The following SYCP3 variants were observed in gnomAD, a reference collection of about 807,000 sequenced individuals.
SYCP3 encodes synaptonemal complex protein 3.
In SYCP3, 29 loss-of-function variants were observed where a neutral mutation model predicts 38.5. The observed-to-expected ratio is 0.75, with a 90% confidence interval of 0.56 to 1.03. The LOEUF (loss-of-function observed/expected upper bound fraction) is 1.03, where lower values mean the gene tolerates loss of function less well. Among genes scored for constraint, SYCP3 ranks in the 50% least tolerant of loss-of-function variants. SYCP3 has a pLI of 0.00. For synonymous variants in SYCP3, 79 were observed against 80.3 expected, an observed-to-expected ratio of 0.98 and a Z score of 0.08; for missense variants, 242 against 270.7, an observed-to-expected ratio of 0.89 and a Z score of 0.74.
In SYCP3 at chr12:101,728,922, A is replaced by T; in HGVS notation, c.*5T>A. On this transcript the variant is annotated 3_prime_UTR_variant, in exon 9 of 9. Coordinates refer to ENST00000392924, the MANE Select transcript of SYCP3 (RefSeq NM_001177949.2). ...TTAGGTTCAAGTTCTTTCTTCAAAG[A>T]GTCATCAGAATAACATGGATTGAAG... The T allele has an allele frequency of 6.2e-7, 1 of 1,613,512 alleles. No homozygotes were observed. The highest frequency in any genetic ancestry group is 8.5e-7 in the Non-Finnish European group (1 of 1,179,676).
rs34377603 is a variant in SYCP3, at chr12:101,736,708, ATGTGTGTGTG to A, written c.235+319_235+328del. 1.0e-3 allele frequency among the ~76,000 whole-genome samples: 150 copies of A among 149,122 alleles called. 5 individuals are homozygous for A. The highest frequency in any genetic ancestry group is 8.2e-3 in the Admixed American group (122 of 14,902). The stretch of plus-strand genomic sequence containing the variant: ...TATACAAATATATGTATGTATGTAT[ATGTGTGTGTG>A]TGTGTGTGTGTGTGTGTGTGTGTAT... On this transcript the variant is annotated intron_variant, in intron 4 of 8. Coordinates refer to ENST00000392924, the MANE Select transcript of SYCP3 (RefSeq NM_001177949.2).
Position 101,728,860 on chromosome 12 carries a change from A to G in SYCP3, c.*67T>C, listed in dbSNP as rs376707625. 20 of 1,605,644 alleles carry G rather than the reference A, an allele frequency of 1.2e-5. No individual in the cohort carries two copies. The African/African-American group carries it at 2.4e-4, about 19-fold the overall frequency. On this transcript the variant is annotated 3_prime_UTR_variant, in exon 9 of 9. Coordinates refer to ENST00000392924, the MANE Select transcript of SYCP3 (RefSeq NM_001177949.2). ...TTAAACTATTCTAAAGACTTACAAT[A>G]TGCTTCTTAGCTAACGTTATAATTG...
rs34377603 is a variant in SYCP3 at position 101,736,708 on chromosome 12, A to ATG, written c.235+327_235+328dup. On this transcript the variant is annotated intron_variant, in intron 4 of 8. Coordinates refer to ENST00000392924, the MANE Select transcript of SYCP3 (RefSeq NM_001177949.2). ...TATACAAATATATGTATGTATGTAT[A>ATG]TGTGTGTGTGTGTGTGTGTGTGTGT... Among the ~76,000 whole-genome samples, 1,220 of 149,122 alleles carry ATG rather than the reference A, an allele frequency of 8.2e-3. 12 individuals carry two copies. Among genetic ancestry groups the ATG allele is most frequent in the East Asian group, 0.034 (172 of 5,090 alleles).
At chr12:101,738,284 C>T (rs765035065) in intron 1 of SYCP3, among the ~76,000 whole-genome samples, 39 of 149,636 alleles carry the variant, frequency 2.6e-4, no homozygotes, top group Non-Finnish European at 4.4e-4. Flanking sequence ...CAAAATTAAC[C>T]GGGCGTGGTG....
In SYCP3 at chr12:101,737,318, A is replaced by G; in HGVS notation, c.134-20T>C. The G allele has an allele frequency of 6.3e-7, 1 of 1,575,720 alleles. No homozygotes were observed. The highest frequency in any genetic ancestry group is 8.6e-7 in the Non-Finnish European group (1 of 1,165,004). On this transcript the variant is annotated intron_variant, in intron 2 of 8. Transcript: ENST00000392924. ...TCTTCCCTGTATTGACAATTAAAAA[A>G]AAAAAAAAAAAGCTTTTGAAACTGA...
In SYCP3 at chr12:101,733,580, T is replaced by C. The variant is rs752739542; in HGVS notation, c.448A>G (p.Ile150Val). ...AACCTAATCATGATACCAACAAGTA[T>C]TTTTTCTTCTTGTTCCTCAGCTTTC... The part of the protein sequence containing the change: ...MQKAEEQEEK[I>V]LNMFRQQQKI... The change falls in exon 6 of 9, where the codon ATA becomes GTA. Residue 150 changes from isoleucine to valine, a missense_variant. Transcript: ENST00000392924. The C allele has an allele frequency of 6.2e-6, 10 of 1,611,526 alleles. No individual in the cohort carries two copies. The East Asian group carries it at 2.0e-4, about 32-fold the overall frequency.
chr12:101,730,540 C>A, intron 7 of SYCP3: 1 of 384,126 alleles, frequency 2.6e-6, no homozygotes, highest in South Asian at 1.9e-5. Flanking sequence ...GTCGCCCAGG[C>A]TGGAGTACAG....
At chr12:101,733,506 CAATA>C (rs1327515725) in intron 6 of SYCP3, 65 bp downstream of exon 6, 4 of 1,395,004 alleles carry the variant, frequency 2.9e-6, no homozygotes, top group Non-Finnish European at 4.0e-6. Context: ...CCACTGGTCA[CAATA>C]AAAGGCTAGG....
At position 101,734,997 on chromosome 12, in the gene SYCP3, A is replaced by G. The variant is rs936079203; in HGVS notation, c.283T>C (p.Tyr95His). The G allele has an allele frequency of 3.1e-6, 5 of 1,613,530 alleles. No homozygotes were observed. The highest frequency in any genetic ancestry group is 4.2e-6 in the Non-Finnish European group (5 of 1,179,670). ...LLAKRKRLEMYTKASLKTSNQ... is the reference protein window; with the variant it reads ...LLAKRKRLEMHTKASLKTSNQ... ...CTAGTTTTGAGAGAAGCCTTGGTATACATTTCTAGTCTCTTTCTCTTGGCA... is the reference window on the plus strand; with the variant it reads ...CTAGTTTTGAGAGAAGCCTTGGTATGCATTTCTAGTCTCTTTCTCTTGGCA... The change falls in exon 5 of 9, where the codon TAT becomes CAT. Residue 95 changes from tyrosine to histidine, a missense_variant. Tyr to His is a moderately conservative substitution (Grantham distance 83). Coordinates refer to ENST00000392924, the MANE Select transcript of SYCP3 (RefSeq NM_001177949.2).
At position 101,729,212 on chromosome 12, in the gene SYCP3, C is replaced by A; in HGVS notation, c.554G>T (p.Ser185Ile). 1 of 1,612,596 alleles carries A rather than the reference C, an allele frequency of 6.2e-7. No homozygotes were observed. Among genetic ancestry groups the A allele is most frequent in the Non-Finnish European group, 8.5e-7 (1 of 1,179,314 alleles). The change falls in exon 8 of 9, where the codon AGT (serine) becomes ATT (isoleucine). Residue 185 changes from serine (S) to isoleucine (I), a missense_variant and splice_region_variant. Transcript: ENST00000392924. Reference sequence around the variant, plus strand: ...ATGATTCTTCTCCAACTCTTCCATACTCTAAAAACACAAAAGACAAGTTAA... The same window carrying A: ...ATGATTCTTCTCCAACTCTTCCATAATCTAAAAACACAAAAGACAAGTTAA... ...IKQLYEQFIKSMEELEKNHDN... is the reference protein window; with the variant it reads ...IKQLYEQFIKIMEELEKNHDN...
chr12:101,729,000 A>C lies in SYCP3; in HGVS notation c.658-20T>G. Reference sequence around the variant, plus strand: ...CTGCTGCTGTTTCATGGAAGGAGATATTAAACATTTGTTTAATTTTTATTT... The same window carrying C: ...CTGCTGCTGTTTCATGGAAGGAGATCTTAAACATTTGTTTAATTTTTATTT... On this transcript the variant is annotated intron_variant, in intron 8 of 8. Transcript: ENST00000392924. 6.2e-7 allele frequency: 1 copy of C among 1,613,506 alleles called. No individual in the cohort carries two copies. Among genetic ancestry groups the C allele is most frequent in the Non-Finnish European group, 8.5e-7 (1 of 1,179,664 alleles).
intron 7 of SYCP3, 81 bp downstream of exon 7, chr12:101,731,486 TA>T: frequency 1.0e-6 from 1 of 981,886 alleles, no homozygotes. Context: ...TTTTTTCCCA[TA>T]AACTTAGAAA....
intron 4 of SYCP3, among the ~76,000 whole-genome samples, chr12:101,735,775 A>G (rs1382726139): frequency 2.0e-5 from 3 of 150,168 alleles, no homozygotes; most frequent in Non-Finnish European, 4.4e-5. Flanking sequence ...GAAAATATGT[A>G]AAAGTACTCT....
In SYCP3 at chr12:101,733,658, C is replaced by A. The variant is rs2137060198; in HGVS notation, c.370G>T (p.Glu124Ter). The A allele has an allele frequency of 6.2e-7, 1 of 1,610,864 alleles. No individual in the cohort carries two copies. Among genetic ancestry groups the A allele is most frequent in the Non-Finnish European group, 8.5e-7 (1 of 1,179,882 alleles). The change falls in exon 6 of 9, where the codon GAA becomes TAA. Residue 124 changes from glutamate to a stop codon, truncating the protein, a stop_gained. Transcript: ENST00000392924. LOFTEE classifies it high-confidence loss of function. ...AAAGTCAGAAACTGCTGAGAATATT[C>A]TTGGTTAAGCTTCTGCCTGTAAAAC... ...QQDQRQKLNQ[E>*]YSQQFLTLFQ...
intron 2 of SYCP3, 107 bp from the exon 3 acceptor site, chr12:101,737,405 C>A: frequency 1.9e-6 from 2 of 1,064,042 alleles, no homozygotes; most frequent in African/African-American, 1.6e-5. Context: ...GGCTTTTTGC[C>A]AACATACAGT....
Position 101,735,871 on chromosome 12 carries a change from A to ATATATATATTTTTTTTTTTT in SYCP3, c.236-828_236-827insAAAAAAAAAAAATATATATA. On this transcript the variant is annotated intron_variant, in intron 4 of 8. Transcript: ENST00000392924. ...CAATTTTATATATATATATATATAT[A>ATATATATATTTTTTTTTTTT]TTTTTTTTTTTTTAAAGACACGGGG... 4.0e-3 allele frequency among the ~76,000 whole-genome samples: 297 copies of ATATATATATTTTTTTTTTTT among 74,574 alleles called. 5 individuals are homozygous for ATATATATATTTTTTTTTTTT. The highest frequency in any genetic ancestry group is 0.018 in the African/African-American group (282 of 15,768). The allele number at this position is 74,574 out of a possible 152,430, so 48.9% of individuals were successfully genotyped here.
intron 4 of SYCP3, among the ~76,000 whole-genome samples, chr12:101,735,871 A>ATATATATATATATATATATATTTTTT: frequency 6.7e-5 from 5 of 74,756 alleles, no homozygotes; most frequent in African/African-American, 1.9e-4. Context: ...ATATATATAT[A>ATATATATATATATATATATATTTTTT]TTTTTTTTTT....
chr12:101,733,740 C>G lies in SYCP3; in HGVS notation c.354-66G>C, dbSNP rs1952279706. The G allele has an allele frequency of 8.3e-6, 12 of 1,446,808 alleles. No individual in the cohort carries two copies. The East Asian group carries it at 2.6e-4, about 31-fold the overall frequency. 89.6% of individuals were successfully genotyped at this position (1,446,808 alleles called of 1,614,324 possible). ...AATATAAAAAGAATTTAAAACAAAA[C>G]TGAGTTGACACAGTTATACTATATA... On this transcript the variant is annotated intron_variant, in intron 5 of 8. Transcript: ENST00000392924.
Position 101,728,877 on chromosome 12 carries a change from T to C in SYCP3, c.*50A>G. ...CTTACAATATGCTTCTTAGCTAACGTTATAATTGTATCATATTACTTAGGT... is the reference window on the plus strand; with the variant it reads ...CTTACAATATGCTTCTTAGCTAACGCTATAATTGTATCATATTACTTAGGT... On this transcript the variant is annotated 3_prime_UTR_variant, in exon 9 of 9. Coordinates refer to ENST00000392924, the MANE Select transcript of SYCP3 (RefSeq NM_001177949.2). 6.2e-7 allele frequency: 1 copy of C among 1,611,758 alleles called. No individual in the cohort carries two copies. The highest frequency in any genetic ancestry group is 1.1e-5 in the South Asian group (1 of 90,942).
Sources: allele counts gnomAD v4.1 joint callset (sites outside exome capture counted in the v4.1 genomes callset), GRCh38; gene constraint gnomAD v4.1.1; transcripts MANE v1.5; gene names NCBI Gene and HGNC (gene_info 2026-07-23, HGNC 2026-07-21).